Variants in TCERG1L observed in about 807,000 individuals in gnomAD.
TCERG1L encodes transcription elongation regulator 1-like protein.
A neutral mutation model predicts 56.3 loss-of-function variants in TCERG1L; 37 were observed. That is an observed-to-expected ratio of 0.66 (90% CI 0.51 to 0.87). The LOEUF (loss-of-function observed/expected upper bound fraction) is 0.87. Among genes scored for constraint, TCERG1L ranks in the 40% least tolerant of loss-of-function variants. TCERG1L has a pLI of 0.00. For missense variants in TCERG1L, 799 were observed against 774.2 expected (o/e 1.03, Z -0.38); for synonymous variants, 324 against 326.3 (o/e 0.99, Z 0.08).
chr10:131,189,690 T>C (rs1246076133), intron 4 of TCERG1L, among the ~76,000 whole-genome samples: 1 of 152,292 alleles, frequency 6.6e-6, no homozygotes, highest in East Asian at 1.9e-4. Context: ...TTTGAGTAAA[T>C]GTCCAGTAGT....
intron 3 of TCERG1L, among the ~76,000 whole-genome samples, chr10:131,279,664 G>C (rs1022696655): frequency 2.6e-5 from 4 of 152,206 alleles, no homozygotes; most frequent in Admixed American, 6.5e-5. Flanking sequence ...AGAAGGATCT[G>C]GAGGAGCACA....
At chr10:131,308,108 T>C in intron 3 of TCERG1L, 103 bp downstream of exon 3, 3 of 1,171,130 alleles carry the variant, frequency 2.6e-6, no homozygotes. Context: ...TTTACCAAGA[T>C]AATTGTTTCA....
At chr10:131,290,652 A>C (rs1040930108) in intron 3 of TCERG1L, among the ~76,000 whole-genome samples, 3 of 136,272 alleles carry the variant, frequency 2.2e-5, no homozygotes, top group African/African-American at 5.3e-5. Context: ...AAAAAAAAAA[A>C]CCTTAACATT....
rs773603016 is a variant in TCERG1L, at chr10:131,093,140, C to G, written c.*22G>C. Reference sequence around the variant, plus strand: ...GGCACGCCCAGGGTCAACCCCCGGGCTTATTGCATTTTTTCACAAACTCAT... The same window carrying G: ...GGCACGCCCAGGGTCAACCCCCGGGGTTATTGCATTTTTTCACAAACTCAT... On this transcript the variant is annotated 3_prime_UTR_variant, in exon 12 of 12. Transcript: ENST00000368642. 5.7e-5 allele frequency: 92 copies of G among 1,611,034 alleles called. No homozygotes were observed. The highest frequency in any genetic ancestry group is 2.2e-4 in the South Asian group (20 of 90,638).
At chr10:131,247,819 G>A (rs1014313259) in intron 4 of TCERG1L, among the ~76,000 whole-genome samples, 1 of 151,990 alleles carries the variant, frequency 6.6e-6, no homozygotes, top group Non-Finnish European at 1.5e-5. Flanking sequence ...CCTCTCCCCT[G>A]CCTCCTGCCA....
At chr10:131,143,091 C>T (rs1417894862) in intron 7 of TCERG1L, among the ~76,000 whole-genome samples, 1 of 152,198 alleles carries the variant, frequency 6.6e-6, no homozygotes, top group Non-Finnish European at 1.5e-5. Flanking sequence ...GAGGCCTCTG[C>T]TCGACGTCTG....
chr10:131,133,447 C>T (rs7920711), intron 8 of TCERG1L, among the ~76,000 whole-genome samples: 41,137 of 152,072 alleles, frequency 0.27, 6,591 homozygotes, highest in Non-Finnish European at 0.36. Context: ...GAGCCTGGTG[C>T]AGGATGAACG....
intron 4 of TCERG1L, among the ~76,000 whole-genome samples, chr10:131,236,636 G>T (rs58782267): frequency 4.6e-5 from 7 of 152,196 alleles, no homozygotes; most frequent in African/African-American, 1.7e-4. Flanking sequence ...CTGGGTTGAA[G>T]CCCTCTGAAT....
chr10:131,196,968 A>T (rs1845371067), intron 4 of TCERG1L, among the ~76,000 whole-genome samples: 3 of 152,120 alleles, frequency 2.0e-5, no homozygotes, highest in African/African-American at 7.2e-5. Context: ...GGACCTGGGG[A>T]TCAGGTCCTT....
chr10:131,306,341 T>C (rs1344205219), intron 3 of TCERG1L, among the ~76,000 whole-genome samples: 1 of 152,100 alleles, frequency 6.6e-6, no homozygotes, highest in Non-Finnish European at 1.5e-5. Flanking sequence ...TATTATTAAA[T>C]TACCTTTGGT....
intron 4 of TCERG1L, among the ~76,000 whole-genome samples, chr10:131,195,832 G>A (rs1394921225): frequency 1.3e-5 from 2 of 152,312 alleles, no homozygotes; most frequent in East Asian, 3.9e-4. Flanking sequence ...TGGAGACCAC[G>A]CTCGGCCTGC....
At chr10:131,124,166 C>T (rs1207266409) in intron 8 of TCERG1L, among the ~76,000 whole-genome samples, 2 of 152,158 alleles carry the variant, frequency 1.3e-5, no homozygotes, top group Admixed American at 6.5e-5. Flanking sequence ...AGGGTTGGAC[C>T]ATCCCAGAGA....
chr10:131,173,539 G>C (rs913399518), intron 4 of TCERG1L, among the ~76,000 whole-genome samples: 1 of 152,234 alleles, frequency 6.6e-6, no homozygotes, highest in Admixed American at 6.5e-5. Flanking sequence ...GAGAACCAAA[G>C]TATCTAAGGG....
chr10:131,267,390 G>C lies in TCERG1L; in HGVS notation c.671-6946C>G, dbSNP rs771166794. The stretch of plus-strand genomic sequence containing the variant: ...GCAGATACCCCCAAGCCTAAGCCCT[G>C]AGAGCATCGGGAGGCCCAGGCCCAC... On this transcript the variant is annotated intron_variant, in intron 3 of 11. Transcript: ENST00000368642. The surrounding 1 kb of genome is among the most constrained non-coding windows in gnomAD (Gnocchi z 4.9). 6.6e-6 allele frequency among the ~76,000 whole-genome samples: 1 copy of C among 152,192 alleles called. No individual in the cohort carries two copies. Among genetic ancestry groups the C allele is most frequent in the Non-Finnish European group, 1.5e-5 (1 of 68,032 alleles).
intron 6 of TCERG1L, 132 bp downstream of exon 6, chr10:131,162,990 G>C (rs946517946): frequency 9.3e-6 from 6 of 644,474 alleles, no homozygotes; most frequent in African/African-American, 9.2e-5. Context: ...ACACCTGCCG[G>C]GAGTTGCAAG....
chr10:131,177,429 C>T (rs1238996077), intron 4 of TCERG1L, among the ~76,000 whole-genome samples: 7 of 152,238 alleles, frequency 4.6e-5, no homozygotes, highest in Admixed American at 1.3e-4. Flanking sequence ...TGTACGTAAA[C>T]GTGAACAAGC....
intron 4 of TCERG1L, among the ~76,000 whole-genome samples, chr10:131,244,920 A>G (rs1437229552): frequency 6.6e-6 from 1 of 152,196 alleles, no homozygotes; most frequent in Non-Finnish European, 1.5e-5. Flanking sequence ...AGGCAGGGCC[A>G]GGTGTCTTCC....
chr10:131,275,818 C>G (rs1411035661), intron 3 of TCERG1L, among the ~76,000 whole-genome samples: 1 of 152,206 alleles, frequency 6.6e-6, no homozygotes, highest in African/African-American at 2.4e-5. Flanking sequence ...CCTGTGCCAG[C>G]ATCAGCTGGT....
intron 3 of TCERG1L, among the ~76,000 whole-genome samples, chr10:131,302,963 T>A (rs1002000321): frequency 1.3e-5 from 2 of 152,154 alleles, no homozygotes; most frequent in African/African-American, 4.8e-5. Context: ...GAACTCATCC[T>A]TTTTTATGGC....
Sources: gnomAD v4.1 joint callset for allele counts (sites outside exome capture counted in the v4.1 genomes callset) on GRCh38, gnomAD v4.1.1 for gene constraint, Gnocchi (gnomAD v3.1) non-coding constraint, MANE v1.5 for transcripts, NCBI Gene and HGNC (gene_info 2026-07-23, HGNC 2026-07-21) for gene names.